Variants in ERBIN observed in about 807,000 individuals in gnomAD.
ERBIN encodes erbb2 interacting protein, also known as densin-180-like protein.
A neutral mutation model predicts 158.4 loss-of-function variants in ERBIN; 60 were observed. The ratio of observed to expected loss-of-function variants is 0.38; its 90% CI spans 0.31 to 0.47. The LOEUF is 0.47. ERBIN is among the 20% of genes least tolerant of loss of function. ERBIN has a pLI of 0.99. For synonymous variants in ERBIN, 594 were observed against 557.2 expected, an observed-to-expected ratio of 1.07 and a Z score of -0.93; for missense variants, 1,610 against 1,648.0, an observed-to-expected ratio of 0.98 and a Z score of 0.40.
chr5:66,040,883 A>G (rs1757861915), intron 15 of ERBIN, among the ~76,000 whole-genome samples: 1 of 151,734 alleles, frequency 6.6e-6, no homozygotes, highest in South Asian at 2.1e-4. Context: ...TTCTAAAGGT[A>G]GATAGTGATG....
intron 4 of ERBIN, among the ~76,000 whole-genome samples, chr5:66,009,315 T>C (rs1753954269): frequency 6.6e-6 from 1 of 152,236 alleles, no homozygotes; most frequent in Non-Finnish European, 1.5e-5. Context: ...GATAAAGATT[T>C]CACTCCTAAG....
At chr5:65,928,645 T>C (rs1185439283) in intron 1 of ERBIN, among the ~76,000 whole-genome samples, 1 of 152,206 alleles carries the variant, frequency 6.6e-6, no homozygotes, top group Non-Finnish European at 1.5e-5. Flanking sequence ...AGTAGTATGT[T>C]TCGATGCAGA....
intron 1 of ERBIN, among the ~76,000 whole-genome samples, chr5:65,958,199 C>T (rs1747469250): frequency 6.6e-6 from 1 of 152,080 alleles, no homozygotes; most frequent in Non-Finnish European, 1.5e-5. Flanking sequence ...AGAGACGCTC[C>T]TCACTTCCCA....
chr5:66,039,296 A>G (rs922799229), intron 15 of ERBIN, among the ~76,000 whole-genome samples: 2 of 151,904 alleles, frequency 1.3e-5, no homozygotes, highest in Non-Finnish European at 2.9e-5. Flanking sequence ...GCACAGCCAC[A>G]TTCATTCACT....
intron 18 of ERBIN, 30 bp from the exon 19 acceptor site, chr5:66,048,637 T>C: frequency 7.4e-7 from 1 of 1,357,760 alleles, no homozygotes; most frequent in Non-Finnish European, 1.0e-6. Flanking sequence ...AAAAATTTAA[T>C]TTTTATCCCC....
intron 21 of ERBIN, among the ~76,000 whole-genome samples, chr5:66,058,354 T>C (rs1461939021): frequency 2.0e-5 from 3 of 152,158 alleles, no homozygotes; most frequent in Admixed American, 2.0e-4. Flanking sequence ...GAAGTGTCTG[T>C]TCATATGCTT....
intron 15 of ERBIN, 38 bp from the exon 16 acceptor site, chr5:66,043,039 T>C: frequency 6.9e-7 from 1 of 1,459,602 alleles, no homozygotes; most frequent in Non-Finnish European, 9.5e-7. Context: ...ATAATTACAG[T>C]AAAATATAGT....
intron 4 of ERBIN, among the ~76,000 whole-genome samples, chr5:66,008,158 C>G (rs1047933578): frequency 5.9e-5 from 9 of 152,092 alleles, no homozygotes; most frequent in African/African-American, 2.2e-4. Flanking sequence ...GTGGCTCACA[C>G]CTGTAATCCC....
At chr5:66,019,064 T>G (rs1360751626) in intron 7 of ERBIN, among the ~76,000 whole-genome samples, 1 of 152,196 alleles carries the variant, frequency 6.6e-6, no homozygotes, top group Non-Finnish European at 1.5e-5. Context: ...CTTTACTTAA[T>G]TCGTTTATCA....
chr5:66,077,829 G>A (rs1237125583), intron 25 of ERBIN, among the ~76,000 whole-genome samples: 1 of 146,240 alleles, frequency 6.8e-6, no homozygotes, highest in Non-Finnish European at 1.5e-5. Flanking sequence ...CACTCATACA[G>A]TTATACACAT....
At chr5:65,976,925 C>CG (rs1431300699) in intron 1 of ERBIN, among the ~76,000 whole-genome samples, 2 of 152,042 alleles carry the variant, frequency 1.3e-5, no homozygotes, top group African/African-American at 4.8e-5. Context: ...TCTTTCTACA[C>CG]AGACACGGCA....
At chr5:66,070,041 A>G (rs1761384463) in intron 21 of ERBIN, among the ~76,000 whole-genome samples, 1 of 151,546 alleles carries the variant, frequency 6.6e-6, no homozygotes, top group African/African-American at 2.4e-5. Context: ...TTATTTATTC[A>G]TTTATTTATT....
At chr5:66,029,551 T>C (rs1229589736) in intron 14 of ERBIN, among the ~76,000 whole-genome samples, 2 of 140,744 alleles carry the variant, frequency 1.4e-5, no homozygotes, top group Admixed American at 1.3e-4. Context: ...TACCCTTTTC[T>C]GTTCTGTTCT....
intron 12 of ERBIN, 33 bp from the exon 13 acceptor site, chr5:66,026,268 AT>A: frequency 6.9e-7 from 1 of 1,447,424 alleles, no homozygotes; most frequent in Non-Finnish European, 9.3e-7. Context: ...TGTAGGCCAA[AT>A]TTTTTGATAC....
intron 9 of ERBIN, among the ~76,000 whole-genome samples, chr5:66,023,915 T>C (rs917409577): frequency 6.6e-6 from 1 of 151,800 alleles, no homozygotes; most frequent in Non-Finnish European, 1.5e-5. Flanking sequence ...CTGACCTCAT[T>C]ATCCGCCTGC....
intron 1 of ERBIN, among the ~76,000 whole-genome samples, chr5:65,941,316 A>T (rs1580091228): frequency 4.9e-5 from 2 of 41,148 alleles, no homozygotes; most frequent in Admixed American, 1.5e-4. Flanking sequence ...TGATCAATAA[A>T]AAAAAAAAAA....
At chr5:65,973,070 C>T (rs1255509250) in intron 1 of ERBIN, among the ~76,000 whole-genome samples, 2 of 150,758 alleles carry the variant, frequency 1.3e-5, no homozygotes. Context: ...CCATGGAATA[C>T]TATGCAGCCA....
At position 66,054,669 on chromosome 5, in the gene ERBIN, T is replaced by A; in HGVS notation, c.3351T>A (p.Pro1117=). The change falls in exon 21 of 26, where the codon CCT becomes CCA. Residue 1117 remains proline (P), a synonymous_variant. Transcript: ENST00000284037. The stretch of plus-strand genomic sequence containing the variant: ...AGTTCCACTCAGCGGGAAGAACTCC[T>A]CCAATGATGCCAGGATCACAGAGAC... The part of the protein sequence containing the change: ...YREFHSAGRT[P]PMMPGSQRPL... 1 of 1,614,072 alleles carries A rather than the reference T, an allele frequency of 6.2e-7. No individual in the cohort carries two copies. The highest frequency in any genetic ancestry group is 8.5e-7 in the Non-Finnish European group (1 of 1,179,992).
chr5:65,963,016 C>G (rs148443864), intron 1 of ERBIN, among the ~76,000 whole-genome samples: 1 of 152,200 alleles, frequency 6.6e-6, no homozygotes, highest in Non-Finnish European at 1.5e-5. Flanking sequence ...TTTAAAACAA[C>G]AAAATATACA....
Sources: gnomAD v4.1 joint callset for allele counts (sites outside exome capture counted in the v4.1 genomes callset) on GRCh38, gnomAD v4.1.1 for gene constraint, MANE v1.5 for transcripts, NCBI Gene and HGNC (gene_info 2026-07-23, HGNC 2026-07-21) for gene names.